The following NOX3 variants were observed in gnomAD, a reference collection of about 807,000 sequenced individuals.
NOX3 encodes the protein NADPH oxidase 3.
A neutral mutation model predicts 76.7 loss-of-function variants in NOX3; 74 were observed. The ratio of observed to expected loss-of-function variants is 0.96; its 90% CI spans 0.80 to 1.17. NOX3 has a LOEUF of 1.17. NOX3 is among the 50% of genes most tolerant of loss of function. The pLI is 0.00. For synonymous variants in NOX3, 263 were observed against 261.1 expected (o/e 1.01, Z -0.07); for missense variants, 695 against 703.3 (o/e 0.99, Z 0.13).
rs1582935711 is a variant in NOX3 at position 155,422,927 on chromosome 6, A to G, written c.1146-71T>C. The G allele has an allele frequency of 1.3e-5, 19 of 1,505,486 alleles. No homozygotes were observed. The East Asian group carries it at 4.3e-4, about 34-fold the overall frequency. 93.3% of individuals were successfully genotyped at this position (1,505,486 alleles called of 1,614,324 possible). A position where few individuals can be genotyped will look rare whatever the true frequency, so the allele number is the denominator to read the frequency against. ...TGCTCGTGAACCCAGAACCATCCGG[A>G]GCTGGTGCTTTTTACAGGACGTGTT... On this transcript the variant is annotated intron_variant, in intron 9 of 13. Coordinates refer to ENST00000159060, the MANE Select transcript of NOX3 (RefSeq NM_015718.3).
chr6:155,396,206 T>C (rs894447663), intron 13 of NOX3, among the ~76,000 whole-genome samples: 6 of 152,190 alleles, frequency 3.9e-5, no homozygotes, highest in African/African-American at 1.4e-4. Context: ...TGATTATCAT[T>C]TTCAAGTATC....
chr6:155,446,654 T>G (rs1777068234), intron 4 of NOX3, among the ~76,000 whole-genome samples: 1 of 152,232 alleles, frequency 6.6e-6, no homozygotes, highest in African/African-American at 2.4e-5. Context: ...GATTTTTAAT[T>G]GAAAACTAGT....
chr6:155,446,997 T>C (rs1220510256), intron 4 of NOX3, among the ~76,000 whole-genome samples: 2 of 152,224 alleles, frequency 1.3e-5, no homozygotes, highest in Admixed American at 1.3e-4. Context: ...AGGATACGTT[T>C]TTTATATTTT....
rs762325607 is a variant in NOX3, at chr6:155,428,916, G to C, written c.1023C>G (p.Thr341=). ...TGAAAAAGTCCTCCTGGGGGGCAGA[G>C]GTAAGGGTGAAGGGGTGCCACTCCA... ...SSLEWHPFTL[T]SAPQEDFFSV... Residue 341 remains threonine, a synonymous_variant, in exon 9 of 14, where the codon ACC becomes ACG. Transcript: ENST00000159060. The C allele has an allele frequency of 6.2e-7, 1 of 1,614,014 alleles. No homozygotes were observed. Among genetic ancestry groups the C allele is most frequent in the Non-Finnish European group, 8.5e-7 (1 of 1,179,954 alleles).
chr6:155,429,719 A>C (rs377477204), intron 8 of NOX3, among the ~76,000 whole-genome samples: 1 of 151,916 alleles, frequency 6.6e-6, no homozygotes, highest in Non-Finnish European at 1.5e-5. Context: ...TTAGATTTCA[A>C]TCTTGTTTCC....
chr6:155,397,103 C>A, intron 12 of NOX3, 141 bp from the exon 13 acceptor site: 2 of 714,538 alleles, frequency 2.8e-6, no homozygotes, highest in East Asian at 3.4e-5. Context: ...TTCTTAGATT[C>A]TTTTTTTCTA....
intron 4 of NOX3, among the ~76,000 whole-genome samples, chr6:155,446,921 TC>T (rs1777071904): frequency 1.3e-5 from 2 of 152,198 alleles, no homozygotes; most frequent in Admixed American, 1.3e-4. Flanking sequence ...AAACTGAGCT[TC>T]GGACCAAGTT....
At chr6:155,436,692 T>C (rs1397299759) in intron 6 of NOX3, 145 bp from the exon 7 acceptor site, 2 of 780,928 alleles carry the variant, frequency 2.6e-6, no homozygotes, top group Non-Finnish European at 3.9e-6. Context: ...TGTCATTCAT[T>C]TCCCCCAGCT....
intron 5 of NOX3, among the ~76,000 whole-genome samples, chr6:155,442,326 A>G (rs1777004613): frequency 6.6e-6 from 1 of 152,202 alleles, no homozygotes; most frequent in Non-Finnish European, 1.5e-5. Context: ...AACCTGATCA[A>G]TGGCCTGATA....
intron 9 of NOX3, among the ~76,000 whole-genome samples, chr6:155,425,799 T>A (rs887464609): frequency 6.6e-6 from 1 of 152,190 alleles, no homozygotes; most frequent in African/African-American, 2.4e-5. Flanking sequence ...GGGCCCCAGC[T>A]CTGGGCAAAG....
intron 4 of NOX3, among the ~76,000 whole-genome samples, chr6:155,449,294 C>T (rs977027109): frequency 3.9e-5 from 6 of 152,196 alleles, no homozygotes; most frequent in East Asian, 3.9e-4. Context: ...AGCAAGCTGC[C>T]GACTCTGCCA....
intron 12 of NOX3, among the ~76,000 whole-genome samples, chr6:155,402,584 T>G (rs1008115390): frequency 6.6e-6 from 1 of 152,252 alleles, no homozygotes; most frequent in Admixed American, 6.5e-5. Context: ...ATTACTGTTA[T>G]TTTTGCAATT....
At chr6:155,420,443 G>A (rs756489448) in intron 10 of NOX3, among the ~76,000 whole-genome samples, 4 of 152,184 alleles carry the variant, frequency 2.6e-5, no homozygotes, top group Non-Finnish European at 4.4e-5. Flanking sequence ...CCAAAACAAA[G>A]CATTGCTGTG....
intron 10 of NOX3, 127 bp from the exon 11 acceptor site, chr6:155,411,487 T>TG (rs1339767587): frequency 1.2e-6 from 1 of 816,644 alleles, no homozygotes; most frequent in African/African-American, 1.8e-5. Context: ...ACATGCTTTT[T>TG]TTTGTGTGTG....
chr6:155,433,420 T>C (rs1420111962), intron 7 of NOX3, among the ~76,000 whole-genome samples: 1 of 152,188 alleles, frequency 6.6e-6, no homozygotes, highest in Non-Finnish European at 1.5e-5. Context: ...TGTGTCAAAG[T>C]AGATGCTAGG....
chr6:155,427,766 G>A (rs1463847900), intron 9 of NOX3, among the ~76,000 whole-genome samples: 1 of 152,170 alleles, frequency 6.6e-6, no homozygotes, highest in East Asian at 1.9e-4. Context: ...TGCTTTGCAT[G>A]CTTTTGGGTA....
At position 155,409,951 on chromosome 6, in the gene NOX3, CTA is replaced by C. The variant is rs541098204; in HGVS notation, c.1455+1261_1455+1262del. On this transcript the variant is annotated intron_variant, in intron 11 of 13. Transcript: ENST00000159060. ...ACAGCTCCCAGTTGGCAAGGAATAC[CTA>C]GGTGCACACTGGGATCAATGCACCT... Among the ~76,000 whole-genome samples, 44 of 152,270 alleles carry C rather than the reference CTA, an allele frequency of 2.9e-4. No homozygotes were observed. The South Asian group carries it at 8.3e-3, about 29-fold the overall frequency.
intron 4 of NOX3, among the ~76,000 whole-genome samples, chr6:155,450,840 A>C (rs1395819454): frequency 1.3e-5 from 2 of 152,168 alleles, no homozygotes; most frequent in Admixed American, 6.5e-5. Context: ...CAGGGGGCAC[A>C]TGCATGGTCA....
intron 10 of NOX3, among the ~76,000 whole-genome samples, chr6:155,416,385 T>C (rs1319419592): frequency 6.6e-6 from 1 of 152,250 alleles, no homozygotes; most frequent in Non-Finnish European, 1.5e-5. Context: ...CTTATTGTCC[T>C]GGTTTTTATT....
Sources: allele counts gnomAD v4.1 joint callset (sites outside exome capture counted in the v4.1 genomes callset), GRCh38; gene constraint gnomAD v4.1.1; transcripts MANE v1.5; gene names NCBI Gene and HGNC (gene_info 2026-07-23, HGNC 2026-07-21).